The following HYCC1 variants were observed in gnomAD, a reference collection of about 807,000 sequenced individuals.
HYCC1 encodes the protein hyccin PI4KA lipid kinase complex subunit 1, also known as hyccin.
At chr7:22,937,259 T>A in the HYCC1 span, 1 of 141,824 alleles carries the variant, frequency 7.1e-6, no homozygotes, top group African/African-American at 2.4e-5. Flanking sequence ...CCGTAGTGGA[T>A]CTAGGATACA....
the HYCC1 span, among the ~76,000 whole-genome samples, chr7:22,933,607 T>G: frequency 6.6e-6 from 1 of 152,170 alleles, no homozygotes; most frequent in Admixed American, 6.6e-5. Flanking sequence ...CCATATAGTT[T>G]GATCTTTTGA....
At chr7:22,970,276 T>C in the HYCC1 span, among the ~76,000 whole-genome samples, 52,787 of 150,398 alleles carry the variant, frequency 0.35, 9,526 homozygotes, top group East Asian at 0.48. Context: ...ACTGATGATT[T>C]TATTTACCAA....
chr7:22,957,670 G>A, the HYCC1 span, among the ~76,000 whole-genome samples: 1 of 151,942 alleles, frequency 6.6e-6, no homozygotes, highest in Non-Finnish European at 1.5e-5. Context: ...TGAGGGTTTG[G>A]GAAGAAATTT....
At chr7:22,960,189 C>G in the HYCC1 span, 5 of 1,497,866 alleles carry the variant, frequency 3.3e-6, no homozygotes, top group Non-Finnish European at 2.8e-6. Flanking sequence ...GTTATAGCAC[C>G]ATAAGTACAG....
the HYCC1 span, among the ~76,000 whole-genome samples, chr7:22,996,444 G>A: frequency 4.0e-5 from 6 of 151,788 alleles, no homozygotes; most frequent in African/African-American, 1.4e-4. Context: ...GGAGGTACAT[G>A]TGCAGGTTTG....
the HYCC1 span, among the ~76,000 whole-genome samples, chr7:22,988,434 T>C: frequency 1.4e-3 from 208 of 152,324 alleles, no homozygotes; most frequent in African/African-American, 4.7e-3. Context: ...ACCCACATAA[T>C]ATGTTATATT....
the HYCC1 span, among the ~76,000 whole-genome samples, chr7:22,955,689 AG>A: frequency 6.6e-6 from 1 of 151,730 alleles, no homozygotes; most frequent in East Asian, 1.9e-4. Context: ...GAGAGAAAAT[AG>A]CAATTAGATT....
the HYCC1 span, among the ~76,000 whole-genome samples, chr7:22,929,336 C>T: frequency 3.3e-5 from 5 of 152,158 alleles, no homozygotes; most frequent in African/African-American, 1.2e-4. Context: ...TGAAAATTGA[C>T]AAATGGGATC....
chr7:22,992,124 A>T, the HYCC1 span, among the ~76,000 whole-genome samples: 2 of 139,140 alleles, frequency 1.4e-5, no homozygotes, highest in African/African-American at 5.3e-5. Flanking sequence ...TATTATCACT[A>T]TGCAATATTA....
chr7:22,913,166 C>T, the HYCC1 span, among the ~76,000 whole-genome samples: 1 of 151,524 alleles, frequency 6.6e-6, no homozygotes, highest in Non-Finnish European at 1.5e-5. Context: ...TCAGACTAAA[C>T]CTAGTCTCAA....
chr7:22,931,668 C>T, the HYCC1 span, among the ~76,000 whole-genome samples: 3 of 151,252 alleles, frequency 2.0e-5, no homozygotes, highest in Non-Finnish European at 4.4e-5. Flanking sequence ...TTAGGTAACA[C>T]ATATGTCATC....
At chr7:22,934,812 T>TA in the HYCC1 span, 2 of 152,316 alleles carry the variant, frequency 1.3e-5, no homozygotes, top group East Asian at 1.9e-4. Context: ...GGATGCTCGT[T>TA]AGAGTCTTAC....
the HYCC1 span, among the ~76,000 whole-genome samples, chr7:23,011,069 G>C: frequency 6.6e-6 from 1 of 152,150 alleles, no homozygotes; most frequent in Non-Finnish European, 1.5e-5. Flanking sequence ...ATTCAAAATT[G>C]TTAACCTGTT....
At chr7:22,905,383 TG>T in the HYCC1 span, among the ~76,000 whole-genome samples, 3 of 143,136 alleles carry the variant, frequency 2.1e-5, no homozygotes, top group South Asian at 4.5e-4. Flanking sequence ...CGGCTAATTT[TG>T]TATTTTTTTT....
the HYCC1 span, among the ~76,000 whole-genome samples, chr7:22,997,003 C>T: frequency 7.2e-5 from 11 of 152,160 alleles, no homozygotes; most frequent in South Asian, 4.2e-4. Flanking sequence ...AAACATGTTC[C>T]GGAGCAGAAT....
At chr7:22,977,356 T>C in the HYCC1 span, 3 of 1,586,932 alleles carry the variant, frequency 1.9e-6, no homozygotes, top group East Asian at 6.7e-5. Flanking sequence ...GGTATACAGA[T>C]GGTTTGGATA....
chr7:22,995,184 T>A, the HYCC1 span, among the ~76,000 whole-genome samples: 11 of 152,012 alleles, frequency 7.2e-5, no homozygotes, highest in African/African-American at 2.4e-4. Flanking sequence ...ATCATTCTCT[T>A]CCTCCTTCAA....
At chr7:22,992,454 A>G in the HYCC1 span, among the ~76,000 whole-genome samples, 2 of 152,090 alleles carry the variant, frequency 1.3e-5, no homozygotes, top group South Asian at 4.1e-4. Context: ...TGGGCTTTGA[A>G]ATTATGTCCA....
At chr7:22,984,129 G>A in the HYCC1 span, 1 of 816,318 alleles carries the variant, frequency 1.2e-6, no homozygotes, top group Non-Finnish European at 2.0e-6. Flanking sequence ...TAAATTAGTT[G>A]TTGCCAGGAC....
Sources: allele counts gnomAD v4.1 joint callset (sites outside exome capture counted in the v4.1 genomes callset), GRCh38; gene constraint gnomAD v4.1.1; transcripts MANE v1.5; gene names NCBI Gene and HGNC (gene_info 2026-07-23, HGNC 2026-07-21).